Variants in NALCN observed in about 807,000 individuals in gnomAD.
The protein encoded by NALCN is sodium leak channel, non-selective.
A neutral mutation model predicts 225.3 loss-of-function variants in NALCN; 111 were observed. The observed-to-expected ratio is 0.49, with a 90% CI of 0.42 to 0.58. The LOEUF is 0.58. NALCN is among the 20% of genes least tolerant of loss of function. The pLI, the probability that NALCN is intolerant of heterozygous loss-of-function variation, is 0.00. For synonymous variants in NALCN, 764 were observed against 769.0 expected (o/e 0.99, Z 0.11); for missense variants, 1,378 against 2,202.4 (o/e 0.63, Z 7.49).
At chr13:101,298,366 G>A (rs144391319) in intron 7 of NALCN, among the ~76,000 whole-genome samples, 11 of 150,340 alleles carry the variant, frequency 7.3e-5, no homozygotes, top group Admixed American at 7.3e-4. Flanking sequence ...CTGTCACCCA[G>A]GCTGGAGTGC....
At chr13:101,273,021 C>T (rs2042848533) in intron 10 of NALCN, among the ~76,000 whole-genome samples, 1 of 152,236 alleles carries the variant, frequency 6.6e-6, no homozygotes, top group South Asian at 2.1e-4. Context: ...CTGTTCCTCA[C>T]AGGAGGCACG....
chr13:101,083,259 G>A (rs1163801169), intron 31 of NALCN, 61 bp from the exon 32 acceptor site: 6 of 1,355,120 alleles, frequency 4.4e-6, no homozygotes, highest in South Asian at 1.2e-5. Flanking sequence ...CTTTCTTGTC[G>A]TTTATTTTCT....
intron 27 of NALCN, among the ~76,000 whole-genome samples, chr13:101,097,451 C>T (rs1467965954): frequency 6.6e-6 from 1 of 152,152 alleles, no homozygotes; most frequent in Non-Finnish European, 1.5e-5. Context: ...GCCTCACTGC[C>T]TTTTCCAATT....
rs766948695 is a variant in NALCN at position 101,095,580 on chromosome 13, C to A, written c.3263G>T (p.Arg1088Leu). The part of the protein sequence containing the change: ...GEKKPGFWVP[R>L]VWANPRNFNF... Reference sequence around the variant, plus strand: ...TTTTTTATGATATACTTACCAAACACGGGGCACCCAAAATCCAGGTTTTTT... The same window carrying A: ...TTTTTTATGATATACTTACCAAACAAGGGGCACCCAAAATCCAGGTTTTTT... Residue 1088 changes from arginine (R) to leucine (L), a missense_variant, in exon 28 of 44, where the codon CGT (arginine) becomes CTT (leucine). By Grantham distance (102) the Arg-to-Leu change is moderately radical. This residue lies in a region of NALCN where 292 missense variants were observed against 409.5 expected (regional missense o/e 0.71). Transcript: ENST00000251127. 2 of 1,611,478 alleles carry A rather than the reference C, an allele frequency of 1.2e-6. No homozygotes were observed. Among genetic ancestry groups the A allele is most frequent in the Admixed American group, 1.7e-5 (1 of 59,694 alleles).
chr13:101,252,944 T>G (rs902729127), intron 11 of NALCN, among the ~76,000 whole-genome samples: 2 of 152,158 alleles, frequency 1.3e-5, no homozygotes, highest in African/African-American at 4.8e-5. Context: ...TAAATTTTGT[T>G]AAATGTACAG....
intron 6 of NALCN, among the ~76,000 whole-genome samples, chr13:101,357,032 T>C (rs1185336525): frequency 1.3e-5 from 2 of 152,216 alleles, no homozygotes; most frequent in East Asian, 3.9e-4. Context: ...TGATGGAACA[T>C]ATCTCAAAAT....
chr13:101,129,016 A>G (rs2036380087), intron 17 of NALCN, among the ~76,000 whole-genome samples: 1 of 152,176 alleles, frequency 6.6e-6, no homozygotes, highest in African/African-American at 2.4e-5. Flanking sequence ...GTGGTGTCAG[A>G]TTCTTCCATC....
At chr13:101,332,695 C>A (rs1180794262) in intron 7 of NALCN, among the ~76,000 whole-genome samples, 1 of 152,192 alleles carries the variant, frequency 6.6e-6, no homozygotes, top group Non-Finnish European at 1.5e-5. Flanking sequence ...AAACGTAATT[C>A]TCTAAAGATT....
intron 7 of NALCN, among the ~76,000 whole-genome samples, chr13:101,297,139 T>C (rs1214436173): frequency 6.6e-6 from 1 of 152,206 alleles, no homozygotes; most frequent in Non-Finnish European, 1.5e-5. Flanking sequence ...TTAGGTTACA[T>C]AACCACATTG....
intron 3 of NALCN, among the ~76,000 whole-genome samples, chr13:101,394,017 G>A (rs1244088094): frequency 1.3e-5 from 2 of 152,096 alleles, no homozygotes; most frequent in Admixed American, 6.5e-5. Flanking sequence ...TGGTATGGTG[G>A]TTATAAAAAG....
chr13:101,344,155 A>G (rs78737655), intron 7 of NALCN, among the ~76,000 whole-genome samples: 1,697 of 152,310 alleles, frequency 0.011, 32 homozygotes, highest in African/African-American at 0.038. Context: ...CCTAAAAGTT[A>G]TTGGTATAAT....
At chr13:101,060,449 A>ATTTTTTT in intron 41 of NALCN, among the ~76,000 whole-genome samples, 1 of 93,714 alleles carries the variant, frequency 1.1e-5, no homozygotes, top group Non-Finnish European at 2.0e-5. Context: ...TGGCTAATTA[A>ATTTTTTT]TTTTTTTTTT....
At chr13:101,309,754 T>A (rs1388428637) in intron 7 of NALCN, among the ~76,000 whole-genome samples, 4 of 152,238 alleles carry the variant, frequency 2.6e-5, no homozygotes, top group African/African-American at 9.6e-5. Flanking sequence ...TCCTTTACTG[T>A]GTCAAAGAAA....
At position 101,234,858 on chromosome 13, in the gene NALCN, CCTAT is replaced by C. The variant is rs374850960; in HGVS notation, c.1434+2893_1434+2896del. Among the ~76,000 whole-genome samples the C allele has an allele frequency of 4.4e-3, 389 of 87,560 alleles. 3 individuals are homozygous for C. Among genetic ancestry groups the C allele is most frequent in the African/African-American group, 0.019 (362 of 18,972 alleles). The allele number at this position is 87,560 out of a possible 152,430, so 57.4% of individuals were successfully genotyped here. A position where few individuals can be genotyped will look rare whatever the true frequency, so the allele number is the denominator to read the frequency against. On this transcript the variant is annotated intron_variant, in intron 12 of 43. Transcript: ENST00000251127. ...CTACTATCTATCTATCTATCATCTA[CCTAT>C]CTATCTATCTATCATCTGTCTATCT...
intron 41 of NALCN, 140 bp downstream of exon 41, chr13:101,061,828 A>C (rs2031964220): frequency 1.4e-6 from 1 of 716,398 alleles, no homozygotes. Flanking sequence ...AAGTGGAGGT[A>C]GTGGACATAG....
rs551179231 is a variant in NALCN, at chr13:101,234,817, T to G, written c.1434+2938A>C. Among the ~76,000 whole-genome samples the G allele has an allele frequency of 3.3e-5, 5 of 150,812 alleles. No homozygotes were observed. The East Asian group carries it at 9.9e-4, about 30-fold the overall frequency. On this transcript the variant is annotated intron_variant, in intron 12 of 43. Transcript: ENST00000251127. ...AACTTCACTGTGATTTGACTATCTA[T>G]CTACTATCTATCTATCTACTATCTA...
intron 6 of NALCN, among the ~76,000 whole-genome samples, chr13:101,359,236 G>T (rs1477862228): frequency 6.6e-6 from 1 of 151,772 alleles, no homozygotes; most frequent in African/African-American, 2.4e-5. Context: ...ATACAAAGCA[G>T]GAAAAAAAGT....
At chr13:101,237,717 A>G (rs746590630) in intron 12 of NALCN, 38 bp downstream of exon 12, 1 of 1,422,872 alleles carries the variant, frequency 7.0e-7, no homozygotes, top group Non-Finnish European at 9.4e-7. Flanking sequence ...CTGGAAATAA[A>G]TAAATTTCTA....
At chr13:101,181,263 G>T in intron 14 of NALCN, 2 of 518,992 alleles carry the variant, frequency 3.9e-6, no homozygotes, top group Non-Finnish European at 3.8e-6. Context: ...CAGGCAGAGG[G>T]TTTGGAGGCT....
Sources: gnomAD v4.1 joint callset for allele counts (sites outside exome capture counted in the v4.1 genomes callset) on GRCh38, gnomAD v4.1.1 for gene constraint, gnomAD v4.1.1 regional missense constraint, MANE v1.5 for transcripts, NCBI Gene and HGNC (gene_info 2026-07-23, HGNC 2026-07-21) for gene names.